PHLDB2: variants seen among roughly 807,000 people sequenced by gnomAD.
PHLDB2 encodes the protein pleckstrin homology-like domain family B member 2.
A neutral mutation model predicts 123.6 loss-of-function variants in PHLDB2; 71 were observed. The observed-to-expected ratio is 0.57, with a 90% CI of 0.47 to 0.70. PHLDB2 has a LOEUF of 0.70. PHLDB2 is among the 30% of genes least tolerant of loss of function. The pLI is 0.00. For missense variants in PHLDB2, 1,446 were observed against 1,519.5 expected, an observed-to-expected ratio of 0.95 and a Z score of 0.80; for synonymous variants, 547 against 541.6, an observed-to-expected ratio of 1.01 and a Z score of -0.14.
At chr3:111,845,371 A>C (rs1056375524) in intron 1 of PHLDB2, among the ~76,000 whole-genome samples, 9 of 149,856 alleles carry the variant, frequency 6.0e-5, no homozygotes, top group Non-Finnish European at 8.9e-5. Context: ...AAAAAAAAAA[A>C]AAAAAAAAAA....
chr3:111,898,795 A>C (rs1336014286), intron 2 of PHLDB2, among the ~76,000 whole-genome samples: 5 of 152,096 alleles, frequency 3.3e-5, no homozygotes, highest in Non-Finnish European at 7.3e-5. Context: ...AAGTTTTATC[A>C]TGAGATTTCA....
chr3:111,841,870 A>G (rs1174274276), intron 1 of PHLDB2, among the ~76,000 whole-genome samples: 1 of 152,212 alleles, frequency 6.6e-6, no homozygotes, highest in East Asian at 1.9e-4. Context: ...GGAAAAAGAA[A>G]TTGGCCTGAA....
At chr3:111,796,771 G>A (rs1052507878) in intron 1 of PHLDB2, among the ~76,000 whole-genome samples, 26 of 152,170 alleles carry the variant, frequency 1.7e-4, no homozygotes, top group African/African-American at 5.1e-4. Context: ...CCTTGACCCC[G>A]CAAAGGGCTG....
intron 1 of PHLDB2, among the ~76,000 whole-genome samples, chr3:111,821,525 T>C (rs1463460212): frequency 6.6e-6 from 1 of 152,248 alleles, no homozygotes; most frequent in African/African-American, 2.4e-5. Flanking sequence ...TAGAATTTTT[T>C]CTTTTTGAAG....
chr3:111,895,715 G>A (rs1412971736), intron 2 of PHLDB2, among the ~76,000 whole-genome samples: 1 of 152,156 alleles, frequency 6.6e-6, no homozygotes, highest in African/African-American at 2.4e-5. Flanking sequence ...CAGGCGTGGT[G>A]GCACATGCCT....
intron 1 of PHLDB2, chr3:111,779,978 TGA>T: frequency 8.6e-6 from 5 of 582,588 alleles, no homozygotes; most frequent in Non-Finnish European, 1.1e-5. Flanking sequence ...TCGAGGACTC[TGA>T]CATGTGTCTA....
At chr3:111,768,830 T>A (rs774864835) in intron 1 of PHLDB2, among the ~76,000 whole-genome samples, 13 of 152,112 alleles carry the variant, frequency 8.5e-5, no homozygotes, top group East Asian at 1.9e-4. Flanking sequence ...CATTCAGAGG[T>A]CCTTGGAGAC....
At chr3:111,829,469 G>GT (rs66666432) in intron 1 of PHLDB2, among the ~76,000 whole-genome samples, 28 of 83,382 alleles carry the variant, frequency 3.4e-4, no homozygotes, top group Admixed American at 6.7e-4. Flanking sequence ...TTTTTTTTTG[G>GT]TTTTTTTTTT....
chr3:111,753,789 C>T (rs565719517), intron 1 of PHLDB2, among the ~76,000 whole-genome samples: 4 of 152,142 alleles, frequency 2.6e-5, no homozygotes, highest in East Asian at 3.9e-4. Context: ...TTAGGTCTAA[C>T]GTTTAAGTCT....
intron 1 of PHLDB2, among the ~76,000 whole-genome samples, chr3:111,878,946 C>T (rs11916823): frequency 0.027 from 4,108 of 152,110 alleles, 166 homozygotes; most frequent in South Asian, 0.16. Flanking sequence ...CTGCTGGATT[C>T]GGTTTTCCAG....
chr3:111,946,800 C>G (rs2070341988), intron 9 of PHLDB2, among the ~76,000 whole-genome samples: 1 of 152,196 alleles, frequency 6.6e-6, no homozygotes, highest in South Asian at 2.1e-4. Flanking sequence ...TCACTCTGGG[C>G]TGCTCTGTGA....
At chr3:111,863,001 G>C (rs1039908489) in intron 1 of PHLDB2, among the ~76,000 whole-genome samples, 9 of 152,042 alleles carry the variant, frequency 5.9e-5, no homozygotes, top group African/African-American at 2.2e-4. Flanking sequence ...AGGCAAATGG[G>C]AACAAAAAAC....
chr3:111,951,505 A>AT (rs759720460), intron 10 of PHLDB2, among the ~76,000 whole-genome samples: 12 of 152,202 alleles, frequency 7.9e-5, no homozygotes, highest in Non-Finnish European at 1.5e-4. Flanking sequence ...ATTTGCATTA[A>AT]TTTTTGTGCA....
Position 111,974,407 on chromosome 3 carries a change from CT to C in PHLDB2, c.3622-10del, listed in dbSNP as rs750085647. On this transcript the variant is annotated splice_polypyrimidine_tract_variant and intron_variant, in intron 17 of 17. Transcript: ENST00000431670. ...AGATGTTTATTTTACATTCTTTTTC[CT>C]TTTTTGAATTTTAGAGTCCTAATCC... The C allele has an allele frequency of 2.3e-5, 36 of 1,561,924 alleles. No homozygotes were observed. Among genetic ancestry groups the C allele is most frequent in the Non-Finnish European group, 2.8e-5 (32 of 1,150,802 alleles).
chr3:111,860,866 G>T (rs1469666050), intron 1 of PHLDB2, among the ~76,000 whole-genome samples: 1 of 152,208 alleles, frequency 6.6e-6, no homozygotes, highest in South Asian at 2.1e-4. Flanking sequence ...GCATAAAAAT[G>T]TGGAGTCTTT....
At chr3:111,828,571 G>A (rs535591183) in intron 1 of PHLDB2, among the ~76,000 whole-genome samples, 69 of 152,254 alleles carry the variant, frequency 4.5e-4, no homozygotes, top group African/African-American at 1.6e-3. Context: ...CTGGCGGATC[G>A]TTTGAGCCCA....
intron 2 of PHLDB2, among the ~76,000 whole-genome samples, chr3:111,908,152 A>G (rs1326343133): frequency 1.3e-5 from 2 of 152,168 alleles, no homozygotes; most frequent in Admixed American, 6.5e-5. Flanking sequence ...CTTATACCCT[A>G]AGATTATCAC....
At chr3:111,955,053 C>T (rs2070956078) in intron 12 of PHLDB2, among the ~76,000 whole-genome samples, 2 of 151,710 alleles carry the variant, frequency 1.3e-5, no homozygotes, top group African/African-American at 4.8e-5. Context: ...CACACACACA[C>T]ACACGCACAT....
intron 1 of PHLDB2, among the ~76,000 whole-genome samples, chr3:111,787,472 A>G (rs964293582): frequency 2.6e-5 from 4 of 152,176 alleles, no homozygotes; most frequent in African/African-American, 9.7e-5. Flanking sequence ...TCTCTCCATC[A>G]TAACATTCAC....
Sources: allele counts gnomAD v4.1 joint callset (sites outside exome capture counted in the v4.1 genomes callset), GRCh38; gene constraint gnomAD v4.1.1; transcripts MANE v1.5; gene names NCBI Gene and HGNC (gene_info 2026-07-23, HGNC 2026-07-21).